Variants in CYRIA observed in about 807,000 individuals in gnomAD.
The protein encoded by CYRIA is CYFIP-related Rac1 interactor A.
Under a neutral mutation model 43.9 loss-of-function variants are expected in CYRIA, and 15 were observed. The ratio of observed to expected loss-of-function variants is 0.34; its 90% confidence interval spans 0.23 to 0.53. CYRIA has a LOEUF of 0.53. Among genes scored for constraint, CYRIA ranks in the 20% least tolerant of loss-of-function variants. The probability of loss-of-function intolerance (pLI) is 0.94; values close to 1 mark genes in which losing one functional copy is unlikely to be tolerated. For synonymous variants in CYRIA, 117 were observed against 136.0 expected (o/e 0.86, Z 0.97); for missense variants, 236 against 394.2 (o/e 0.60, Z 3.40).
intron 2 of CYRIA, among the ~76,000 whole-genome samples, chr2:16,622,313 G>A (rs1669021883): frequency 6.6e-6 from 1 of 152,176 alleles, no homozygotes; most frequent in Non-Finnish European, 1.5e-5. Flanking sequence ...AGGCTGGAGA[G>A]GCAATCTGGC....
chr2:16,643,884 G>A (rs541311565), intron 1 of CYRIA, among the ~76,000 whole-genome samples: 2 of 152,312 alleles, frequency 1.3e-5, no homozygotes, highest in East Asian at 3.9e-4. Flanking sequence ...TCACCTATGG[G>A]CAGAAAATGC....
intron 9 of CYRIA, among the ~76,000 whole-genome samples, chr2:16,560,255 C>A (rs1231694570): frequency 6.6e-6 from 1 of 152,066 alleles, no homozygotes; most frequent in Non-Finnish European, 1.5e-5. Context: ...TGGAATAAAT[C>A]TTAACTTTGG....
chr2:16,641,234 A>G (rs979103909), intron 1 of CYRIA, among the ~76,000 whole-genome samples: 5 of 152,214 alleles, frequency 3.3e-5, no homozygotes, highest in Non-Finnish European at 5.9e-5. Flanking sequence ...TAAGAAATAA[A>G]GCCCAGCTTC....
Position 16,593,043 on chromosome 2 carries a change from C to A in CYRIA, c.-10-4914G>T, listed in dbSNP as rs553246472. Reference sequence around the variant, plus strand: ...GCACAACAGTACGATAATAGTATCTCCTGCATGGAACTCTTGTCAGGACTA... The same window carrying A: ...GCACAACAGTACGATAATAGTATCTACTGCATGGAACTCTTGTCAGGACTA... On this transcript the variant is annotated intron_variant, in intron 2 of 11. Coordinates refer to ENST00000381323, the MANE Select transcript of CYRIA (RefSeq NM_030797.4). 7.9e-5 allele frequency among the ~76,000 whole-genome samples: 12 copies of A among 152,232 alleles called. No individual in the cohort carries two copies. In the South Asian group the frequency reaches 1.0e-3, roughly 13 times the overall value.
rs1666349660 is a variant in CYRIA, at chr2:16,552,419, G to GA, written c.*516dup. The GA allele has an allele frequency of 1.3e-5, 2 of 152,596 alleles. No individual in the cohort carries two copies. The highest frequency in any genetic ancestry group is 4.8e-5 in the African/African-American group (2 of 41,438). The allele number at this position is 152,596 out of a possible 1,614,324, so 9.5% of individuals were successfully genotyped here. On this transcript the variant is annotated 3_prime_UTR_variant, in exon 12 of 12. Transcript: ENST00000381323. Reference sequence around the variant, plus strand: ...TGCAAACAGAAAAGTTGCACGTGTGGACTGCAGTCTGAGGACAGAGAGGGG... The same window carrying GA: ...TGCAAACAGAAAAGTTGCACGTGTGGAACTGCAGTCTGAGGACAGAGAGGGG...
At chr2:16,641,884 C>A (rs1223810438) in intron 1 of CYRIA, among the ~76,000 whole-genome samples, 3 of 152,204 alleles carry the variant, frequency 2.0e-5, no homozygotes, top group Non-Finnish European at 4.4e-5. Context: ...CTTTATTAAA[C>A]CCATTAGCAA....
At chr2:16,640,069 G>A (rs1056754653) in intron 1 of CYRIA, among the ~76,000 whole-genome samples, 1 of 152,160 alleles carries the variant, frequency 6.6e-6, no homozygotes, top group African/African-American at 2.4e-5. Flanking sequence ...CCATCTGTTA[G>A]CACATACAGG....
intron 1 of CYRIA, among the ~76,000 whole-genome samples, chr2:16,649,473 G>C (rs991795180): frequency 6.6e-6 from 1 of 152,048 alleles, no homozygotes; most frequent in Non-Finnish European, 1.5e-5. Flanking sequence ...TGGTTATACA[G>C]TATGGGGGAC....
chr2:16,584,339 C>G (rs956020207), intron 3 of CYRIA, among the ~76,000 whole-genome samples: 7 of 152,152 alleles, frequency 4.6e-5, no homozygotes, highest in Non-Finnish European at 1.0e-4. Flanking sequence ...GGATCAGCAT[C>G]TGTTACTGAG....
In CYRIA at chr2:16,650,574, T is replaced by C. The variant is rs895640962; in HGVS notation, c.-167+15206A>G. ...CTTCATGGGCTGGCAGCCCCAGCTC[T>C]CACACTCAGAGGCTCCACAAAGCAA... On this transcript the variant is annotated intron_variant, in intron 1 of 11. Transcript: ENST00000381323. The surrounding 1 kb of genome is among the most constrained non-coding windows in gnomAD (Gnocchi z 4.1). Among the ~76,000 whole-genome samples the C allele has an allele frequency of 6.6e-6, 1 of 152,230 alleles. No individual in the cohort carries two copies. Among genetic ancestry groups the C allele is most frequent in the Non-Finnish European group, 1.5e-5 (1 of 68,040 alleles).
intron 10 of CYRIA, among the ~76,000 whole-genome samples, chr2:16,556,254 G>A (rs1368397259): frequency 1.3e-5 from 2 of 152,072 alleles, no homozygotes; most frequent in African/African-American, 2.4e-5. Flanking sequence ...AATCATGTGA[G>A]GATCACTACA....
Position 16,629,770 on chromosome 2 carries a change from G to A in CYRIA, c.-166-5751C>T, listed in dbSNP as rs117860296. Among the ~76,000 whole-genome samples the A allele has an allele frequency of 8.1e-4, 123 of 152,346 alleles. 1 individual carries two copies. In the East Asian group the frequency reaches 0.016, roughly 20 times the overall value. ...TAGACCTTTTTGCAAATTAGGCCAT[G>A]TGCACAGGTTGTGGGAATTAGGGAA... On this transcript the variant is annotated intron_variant, in intron 1 of 11. Coordinates refer to ENST00000381323, the MANE Select transcript of CYRIA (RefSeq NM_030797.4).
At chr2:16,624,276 C>G (rs1463624175) in intron 1 of CYRIA, among the ~76,000 whole-genome samples, 3 of 152,232 alleles carry the variant, frequency 2.0e-5, no homozygotes, top group African/African-American at 7.2e-5. Context: ...GACTCTCTGG[C>G]CTTTGACATA....
intron 1 of CYRIA, among the ~76,000 whole-genome samples, chr2:16,653,076 G>T (rs1414854529): frequency 2.6e-5 from 4 of 152,218 alleles, no homozygotes; most frequent in Admixed American, 2.6e-4. Context: ...ATGTGCTGGG[G>T]ATGTGAAGAT....
At chr2:16,653,918 C>T (rs1670035591) in intron 1 of CYRIA, among the ~76,000 whole-genome samples, 1 of 152,200 alleles carries the variant, frequency 6.6e-6, no homozygotes, top group Admixed American at 6.5e-5. Flanking sequence ...CTATGATGAG[C>T]CATGAAACTG....
chr2:16,555,674 C>T (rs1666482341), intron 10 of CYRIA, among the ~76,000 whole-genome samples: 1 of 152,168 alleles, frequency 6.6e-6, no homozygotes, highest in South Asian at 2.1e-4. Context: ...ATTCTGACCT[C>T]ACTACCTTCA....
In CYRIA at chr2:16,552,229, A is replaced by G. The variant is rs1019166060; in HGVS notation, c.*707T>C. On this transcript the variant is annotated 3_prime_UTR_variant, in exon 12 of 12. Coordinates refer to ENST00000381323, the MANE Select transcript of CYRIA (RefSeq NM_030797.4). Reference sequence around the variant, plus strand: ...AGGACCTGTCTCCCAGTTCCAAGACAGCCACCTTCATCAGTCCAGTGGCAA... The same window carrying G: ...AGGACCTGTCTCCCAGTTCCAAGACGGCCACCTTCATCAGTCCAGTGGCAA... 6.6e-6 allele frequency: 1 copy of G among 152,130 alleles called. No homozygotes were observed. The highest frequency in any genetic ancestry group is 1.5e-5 in the Non-Finnish European group (1 of 68,030). 9.4% of individuals were successfully genotyped at this position (152,130 alleles called of 1,614,324 possible).
At chr2:16,563,738 ATGAGAAC>A (rs1221955364) in intron 5 of CYRIA, among the ~76,000 whole-genome samples, 1 of 152,322 alleles carries the variant, frequency 6.6e-6, no homozygotes, top group Admixed American at 6.5e-5. Flanking sequence ...TTGGACACAG[ATGAGAAC>A]AGGACCAAGA....
chr2:16,561,628 C>T, intron 6 of CYRIA, 95 bp from the exon 7 acceptor site: 1 of 922,348 alleles, frequency 1.1e-6, no homozygotes, highest in South Asian at 1.4e-5. Context: ...TATAAATACT[C>T]CAGGACTTCT....
Sources: allele counts gnomAD v4.1 joint callset (sites outside exome capture counted in the v4.1 genomes callset), GRCh38; gene constraint gnomAD v4.1.1; non-coding constraint Gnocchi (gnomAD v3.1); transcripts MANE v1.5; gene names NCBI Gene and HGNC (gene_info 2026-07-23, HGNC 2026-07-21).